Variants in HPSE2 observed in about 807,000 individuals in gnomAD.
HPSE2 encodes heparanase 2 (inactive), also known as inactive heparanase-2.
A neutral mutation model predicts 60.5 loss-of-function variants in HPSE2; 38 were observed. That is an observed-to-expected ratio of 0.63 (90% CI 0.48 to 0.82). The LOEUF is 0.82. Among genes scored for constraint, HPSE2 ranks in the 40% least tolerant of loss-of-function variants. HPSE2 has a pLI of 0.00. For synonymous variants in HPSE2, 295 were observed against 293.2 expected (o/e 1.01, Z -0.06); for missense variants, 713 against 740.4 (o/e 0.96, Z 0.43).
the HPSE2 span, among the ~76,000 whole-genome samples, chr10:99,300,323 C>T: frequency 6.6e-6 from 1 of 152,172 alleles, no homozygotes; most frequent in African/African-American, 2.4e-5. Context: ...ACGGCTCCCA[C>T]TGGACACCTT....
chr10:99,079,977 T>C (rs1843078112), intron 3 of HPSE2, among the ~76,000 whole-genome samples: 1 of 152,168 alleles, frequency 6.6e-6, no homozygotes, highest in Admixed American at 6.5e-5. Flanking sequence ...TTCTTTCTGA[T>C]TGTATGGTAC....
intron 3 of HPSE2, among the ~76,000 whole-genome samples, chr10:98,835,723 G>A (rs1350595640): frequency 3.9e-5 from 6 of 152,200 alleles, no homozygotes; most frequent in East Asian, 3.8e-4. Flanking sequence ...GTTACAGCTT[G>A]AAGAGACCAT....
chr10:98,729,666 A>G (rs1949181034), intron 4 of HPSE2, among the ~76,000 whole-genome samples: 1 of 152,088 alleles, frequency 6.6e-6, no homozygotes. Flanking sequence ...AACAGTAACC[A>G]TAAGAGAGCA....
chr10:98,621,373 C>A (rs75529570), intron 7 of HPSE2, among the ~76,000 whole-genome samples: 5,549 of 152,056 alleles, frequency 0.036, 353 homozygotes, highest in African/African-American at 0.13. Flanking sequence ...AGTCTCTGAC[C>A]CACAAGATGA....
intron 3 of HPSE2, among the ~76,000 whole-genome samples, chr10:98,773,005 C>T (rs1950272395): frequency 1.3e-5 from 2 of 152,094 alleles, no homozygotes; most frequent in African/African-American, 4.8e-5. Flanking sequence ...CCTATTTCCT[C>T]TTCTTTTGGA....
At chr10:99,170,614 G>A (rs1847272341) in intron 2 of HPSE2, among the ~76,000 whole-genome samples, 1 of 152,154 alleles carries the variant, frequency 6.6e-6, no homozygotes, top group Non-Finnish European at 1.5e-5. Flanking sequence ...GATGTGAAGG[G>A]TATTTTCAAG....
intron 3 of HPSE2, among the ~76,000 whole-genome samples, chr10:98,955,507 G>T (rs968875909): frequency 1.3e-5 from 2 of 152,180 alleles, no homozygotes; most frequent in Non-Finnish European, 2.9e-5. Context: ...TACACTGTTT[G>T]TAGGAATATA....
At chr10:98,830,299 T>C (rs1016635431) in intron 3 of HPSE2, among the ~76,000 whole-genome samples, 2 of 151,520 alleles carry the variant, frequency 1.3e-5, no homozygotes, top group African/African-American at 4.9e-5. Flanking sequence ...AGATAATAAA[T>C]GTGATGAAGA....
chr10:99,020,027 T>G (rs1957228047), intron 3 of HPSE2, among the ~76,000 whole-genome samples: 1 of 152,092 alleles, frequency 6.6e-6, no homozygotes, highest in Non-Finnish European at 1.5e-5. Context: ...AGTTTTATAC[T>G]AAAGAGGATG....
chr10:99,266,307 C>T, the HPSE2 span, among the ~76,000 whole-genome samples: 3 of 152,006 alleles, frequency 2.0e-5, no homozygotes, highest in Non-Finnish European at 4.4e-5. Context: ...GCTGTTGTGG[C>T]GGCATGGTGG....
intron 3 of HPSE2, among the ~76,000 whole-genome samples, chr10:99,052,397 G>A (rs923983612): frequency 6.8e-6 from 1 of 147,594 alleles, no homozygotes; most frequent in African/African-American, 2.5e-5. Context: ...AAAAAGACAG[G>A]ACAAAATGAA....
chr10:99,046,566 T>C (rs909233741), intron 3 of HPSE2, among the ~76,000 whole-genome samples: 1 of 152,152 alleles, frequency 6.6e-6, no homozygotes, highest in African/African-American at 2.4e-5. Flanking sequence ...TATGATTCTA[T>C]ACCTAGAAAA....
chr10:98,949,058 C>T (rs1403475200), intron 3 of HPSE2, among the ~76,000 whole-genome samples: 2 of 151,982 alleles, frequency 1.3e-5, no homozygotes, highest in Admixed American at 6.6e-5. Context: ...GGAGTTGGTG[C>T]CCCCTCAACT....
At chr10:99,042,397 G>A (rs936233352) in intron 3 of HPSE2, among the ~76,000 whole-genome samples, 2 of 151,612 alleles carry the variant, frequency 1.3e-5, no homozygotes, top group Non-Finnish European at 2.9e-5. Context: ...GGAATTCCCA[G>A]AGGCATTTCT....
intron 3 of HPSE2, among the ~76,000 whole-genome samples, chr10:98,858,707 G>A (rs747264290): frequency 2.2e-4 from 33 of 152,312 alleles, no homozygotes; most frequent in Non-Finnish European, 3.5e-4. Flanking sequence ...CTAAGTTCAC[G>A]ACGATGTGGT....
At chr10:99,040,081 T>C (rs1171672050) in intron 3 of HPSE2, among the ~76,000 whole-genome samples, 1 of 152,218 alleles carries the variant, frequency 6.6e-6, no homozygotes, top group African/African-American at 2.4e-5. Context: ...TTTGTATACA[T>C]AGACCTTCAT....
intron 11 of HPSE2, among the ~76,000 whole-genome samples, chr10:98,474,347 T>C (rs1268701380): frequency 6.6e-6 from 1 of 151,594 alleles, no homozygotes; most frequent in Non-Finnish European, 1.5e-5. Flanking sequence ...GTCAGGTGGG[T>C]GGCCAGTTCA....
intron 9 of HPSE2, among the ~76,000 whole-genome samples, chr10:98,536,645 G>A (rs375380254): frequency 6.6e-6 from 1 of 152,286 alleles, no homozygotes; most frequent in African/African-American, 2.4e-5. Context: ...CAACAGATTC[G>A]TGCTGGAGAA....
chr10:98,832,886 G>A (rs1442396912), intron 3 of HPSE2, among the ~76,000 whole-genome samples: 1 of 152,162 alleles, frequency 6.6e-6, no homozygotes, highest in Non-Finnish European at 1.5e-5. Context: ...GCAAGCCTGG[G>A]AATGTGATTC....
Sources: gnomAD v4.1 joint callset for allele counts (sites outside exome capture counted in the v4.1 genomes callset) on GRCh38, gnomAD v4.1.1 for gene constraint, MANE v1.5 for transcripts, NCBI Gene and HGNC (gene_info 2026-07-23, HGNC 2026-07-21) for gene names.